The following WASHC3 variants were observed in gnomAD, a reference collection of about 807,000 sequenced individuals.
The protein encoded by WASHC3 is WASH complex subunit 3.
A neutral mutation model predicts 26.1 loss-of-function variants in WASHC3; 24 were observed. That is an observed-to-expected ratio of 0.92 (90% CI 0.66 to 1.29). The LOEUF is 1.29. WASHC3 is among the 50% of genes most tolerant of loss of function. The probability of loss-of-function intolerance (pLI) is 0.00; values close to 1 mark genes in which losing one functional copy is unlikely to be tolerated. For missense variants in WASHC3, 214 were observed against 229.6 expected, an observed-to-expected ratio of 0.93 and a Z score of 0.44; for synonymous variants, 77 against 75.7, an observed-to-expected ratio of 1.02 and a Z score of -0.09.
chr12:102,024,347 A>T (rs1877082604), intron 6 of WASHC3, among the ~76,000 whole-genome samples: 1 of 152,132 alleles, frequency 6.6e-6, no homozygotes. Flanking sequence ...GAACAGGAAA[A>T]CCAATCAGTA....
At chr12:102,053,160 C>T (rs1255928290) in intron 2 of WASHC3, among the ~76,000 whole-genome samples, 1 of 152,014 alleles carries the variant, frequency 6.6e-6, no homozygotes, top group Admixed American at 6.6e-5. Context: ...CCAGGTCCAC[C>T]CCAGGGGTTC....
intron 3 of WASHC3, among the ~76,000 whole-genome samples, chr12:102,044,779 T>C (rs1449187293): frequency 6.6e-6 from 1 of 152,186 alleles, no homozygotes; most frequent in Non-Finnish European, 1.5e-5. Context: ...GTTTCTTCTA[T>C]GCAAAAAAAT....
At chr12:102,061,387 C>T (rs745639304) in intron 1 of WASHC3, 41 bp from the exon 2 acceptor site, 5 of 1,281,462 alleles carry the variant, frequency 3.9e-6, no homozygotes, top group Non-Finnish European at 5.7e-6. Flanking sequence ...ACAGGAGGAA[C>T]GTACACAGTG....
In WASHC3 at chr12:102,023,891, C is replaced by T. The variant is rs973043072; in HGVS notation, c.500+2083G>A. Among the ~76,000 whole-genome samples, 5 of 152,090 alleles carry T rather than the reference C, an allele frequency of 3.3e-5. No homozygotes were observed. In the South Asian group the frequency reaches 6.2e-4, roughly 19 times the overall value. On this transcript the variant is annotated intron_variant, in intron 6 of 6. Coordinates refer to ENST00000240079, the MANE Select transcript of WASHC3 (RefSeq NM_016053.4). ...AATGTTTCTCAACATTCATAGACAA[C>T]GAAATACCCTCAAACTGGCCAAGTG...
intron 2 of WASHC3, among the ~76,000 whole-genome samples, chr12:102,051,339 G>T (rs989129375): frequency 4.0e-4 from 61 of 152,114 alleles, no homozygotes; most frequent in African/African-American, 1.4e-3. Context: ...AATAAATAAG[G>T]ACTAGAGGCC....
At chr12:102,042,681 G>C (rs980564995) in intron 4 of WASHC3, among the ~76,000 whole-genome samples, 1 of 152,200 alleles carries the variant, frequency 6.6e-6, no homozygotes, top group Non-Finnish European at 1.5e-5. Flanking sequence ...GCATGCCTTG[G>C]TACACAGAAA....
Position 102,012,928 on chromosome 12 carries a change from G to T in WASHC3, c.*180C>A. On this transcript the variant is annotated 3_prime_UTR_variant, in exon 7 of 7. Coordinates refer to ENST00000240079, the MANE Select transcript of WASHC3 (RefSeq NM_016053.4). ...TTTCATTTTGAGGCCCTTTATTTTAGCAACAAGACATACTGGCAGGTTAAA... is the reference window on the plus strand; with the variant it reads ...TTTCATTTTGAGGCCCTTTATTTTATCAACAAGACATACTGGCAGGTTAAA... The T allele has an allele frequency of 2.2e-6, 1 of 453,288 alleles. No individual in the cohort carries two copies. The highest frequency in any genetic ancestry group is 3.9e-6 in the Non-Finnish European group (1 of 258,524). The allele number at this position is 453,288 out of a possible 1,614,324, so 28.1% of individuals were successfully genotyped here.
intron 4 of WASHC3, among the ~76,000 whole-genome samples, chr12:102,042,676 C>T (rs988747241): frequency 5.3e-5 from 8 of 152,172 alleles, no homozygotes; most frequent in Non-Finnish European, 1.5e-5. Flanking sequence ...AACGTGCATG[C>T]CTTGGTACAC....
chr12:102,045,036 C>G (rs1339377176), intron 3 of WASHC3, among the ~76,000 whole-genome samples: 1 of 151,852 alleles, frequency 6.6e-6, no homozygotes, highest in Non-Finnish European at 1.5e-5. Flanking sequence ...CCAGGAATTC[C>G]TTAAACATTA....
chr12:102,041,310 T>G (rs1265549578), intron 4 of WASHC3, among the ~76,000 whole-genome samples: 1 of 152,036 alleles, frequency 6.6e-6, no homozygotes, highest in Non-Finnish European at 1.5e-5. Context: ...AGTCGTTAAC[T>G]TTTGCCTAAT....
At chr12:102,049,643 G>A (rs947122106) in intron 2 of WASHC3, among the ~76,000 whole-genome samples, 1 of 152,180 alleles carries the variant, frequency 6.6e-6, no homozygotes, top group African/African-American at 2.4e-5. Context: ...GTTTTTCATG[G>A]TTGTAAAATA....
intron 6 of WASHC3, among the ~76,000 whole-genome samples, chr12:102,016,912 T>C (rs1003875712): frequency 2.6e-5 from 4 of 152,228 alleles, no homozygotes; most frequent in African/African-American, 7.2e-5. Context: ...TAATTTATTA[T>C]TGAAAAAATT....
At chr12:102,044,076 C>T (rs750539269) in intron 4 of WASHC3, 29 bp downstream of exon 4, 3 of 1,213,208 alleles carry the variant, frequency 2.5e-6, no homozygotes, top group African/African-American at 3.0e-5. Flanking sequence ...CAACCAAGAA[C>T]ATCTGCTCGT....
At chr12:102,047,985 G>A (rs1003576506) in intron 2 of WASHC3, among the ~76,000 whole-genome samples, 2 of 152,086 alleles carry the variant, frequency 1.3e-5, no homozygotes, top group Admixed American at 6.5e-5. Context: ...AACTCCAGAG[G>A]CAATACACTT....
intron 6 of WASHC3, among the ~76,000 whole-genome samples, chr12:102,019,571 A>G (rs1336991387): frequency 6.6e-6 from 1 of 152,234 alleles, no homozygotes; most frequent in Admixed American, 6.5e-5. Flanking sequence ...AACAAAATAC[A>G]GAAAAATATA....
intron 5 of WASHC3, among the ~76,000 whole-genome samples, chr12:102,034,352 T>C (rs754814743): frequency 6.6e-6 from 1 of 152,176 alleles, no homozygotes; most frequent in African/African-American, 2.4e-5. Context: ...CAAATTATAA[T>C]AGGTCTCTCG....
At chr12:102,025,755 A>G (rs1180405043) in intron 6 of WASHC3, among the ~76,000 whole-genome samples, 1 of 151,772 alleles carries the variant, frequency 6.6e-6, no homozygotes, top group Non-Finnish European at 1.5e-5. Flanking sequence ...AATAATTACT[A>G]ATCTATTGAA....
At chr12:102,040,807 A>G (rs959475318) in intron 4 of WASHC3, among the ~76,000 whole-genome samples, 2 of 152,090 alleles carry the variant, frequency 1.3e-5, no homozygotes, top group Non-Finnish European at 2.9e-5. Context: ...ATCAAACCAA[A>G]CATTTAGAAA....
intron 3 of WASHC3, among the ~76,000 whole-genome samples, chr12:102,044,908 T>TAG (rs1878095588): frequency 6.6e-6 from 1 of 152,030 alleles, no homozygotes; most frequent in Non-Finnish European, 1.5e-5. Flanking sequence ...CATCCTGATA[T>TAG]CAATGACACG....
Sources: gnomAD v4.1 joint callset for allele counts (sites outside exome capture counted in the v4.1 genomes callset) on GRCh38, gnomAD v4.1.1 for gene constraint, MANE v1.5 for transcripts, NCBI Gene and HGNC (gene_info 2026-07-23, HGNC 2026-07-21) for gene names.